Variants in DYNC2H1 observed in about 807,000 individuals in gnomAD.
DYNC2H1 encodes dynein cytoplasmic 2 heavy chain 1.
DYNC2H1 carries 410 observed loss-of-function variants against 570.0 expected under a neutral mutation model. The observed-to-expected ratio is 0.72, with a 90% CI of 0.66 to 0.78. The LOEUF is 0.78. Among genes scored for constraint, DYNC2H1 ranks in the 30% least tolerant of loss-of-function variants. DYNC2H1 has a pLI of 0.00. For missense variants in DYNC2H1, 4,865 were observed against 5,046.4 expected, an observed-to-expected ratio of 0.96 and a Z score of 1.09; for synonymous variants, 1,688 against 1,677.6, an observed-to-expected ratio of 1.01 and a Z score of -0.15.
At chr11:103,477,320 C>CTGAAG (rs1256415665) in intron 88 of DYNC2H1, among the ~76,000 whole-genome samples, 2 of 152,148 alleles carry the variant, frequency 1.3e-5, no homozygotes, top group Non-Finnish European at 2.9e-5. Flanking sequence ...CTGTGGGCTT[C>CTGAAG]TGAAGTGTCA....
intron 83 of DYNC2H1, among the ~76,000 whole-genome samples, chr11:103,366,463 AT>A: frequency 6.6e-6 from 1 of 152,198 alleles, no homozygotes; most frequent in East Asian, 1.9e-4. Context: ...TTTTCATAGA[AT>A]TTTTAGTTTA....
intron 73 of DYNC2H1, among the ~76,000 whole-genome samples, chr11:103,285,652 T>A (rs1161196244): frequency 6.6e-6 from 1 of 151,892 alleles, no homozygotes; most frequent in African/African-American, 2.4e-5. Context: ...GTCAAACTCC[T>A]GACCTCAGGT....
At chr11:103,220,896 G>T in intron 57 of DYNC2H1, 113 bp downstream of exon 57, 2 of 1,004,874 alleles carry the variant, frequency 2.0e-6, no homozygotes, top group Non-Finnish European at 2.8e-6. Flanking sequence ...TAAATACATG[G>T]GTGTACATTT....
At chr11:103,183,541 C>T (rs773499149) in intron 40 of DYNC2H1, among the ~76,000 whole-genome samples, 5 of 151,716 alleles carry the variant, frequency 3.3e-5, no homozygotes, top group Non-Finnish European at 7.4e-5. Context: ...GTATTTTGTT[C>T]ACCATGCACA....
In DYNC2H1 at chr11:103,199,423, C is replaced by T; in HGVS notation, c.8035C>T (p.Pro2679Ser). The change falls in exon 49 of 89, where the codon CCA (proline) becomes TCA (serine). Residue 2679 changes from proline (P) to serine (S), a missense_variant. Physicochemically the swap from Pro to Ser is moderately conservative, Grantham distance 74 (BLOSUM62 -1). Transcript: ENST00000375735. This position sits in a 1 kb window ranked among gnomAD's most constrained non-coding sequence, Gnocchi z 4.6. Reference sequence around the variant, plus strand: ...CATGCATGGAGCGGTCCTGTTTTCTCCAAAGATTTCCAGAGGATATGAACT... The same window carrying T: ...CATGCATGGAGCGGTCCTGTTTTCTTCAAAGATTTCCAGAGGATATGAACT... Reference protein sequence around the residue: ...SHMHGAVLFSPKISRGYELKQ... With the variant: ...SHMHGAVLFSSKISRGYELKQ... 2 of 1,611,588 alleles carry T rather than the reference C, an allele frequency of 1.2e-6. No individual in the cohort carries two copies. Among genetic ancestry groups the T allele is most frequent in the Non-Finnish European group, 1.7e-6 (2 of 1,178,792 alleles).
At chr11:103,286,154 A>G in intron 73 of DYNC2H1, 101 bp from the exon 74 acceptor site, 1 of 1,431,404 alleles carries the variant, frequency 7.0e-7, no homozygotes, top group South Asian at 1.2e-5. Flanking sequence ...AGTAATAAAC[A>G]TCAACCAATA....
chr11:103,206,593 C>T (rs1359489975), intron 52 of DYNC2H1, among the ~76,000 whole-genome samples: 1 of 152,060 alleles, frequency 6.6e-6, no homozygotes, highest in East Asian at 1.9e-4. Flanking sequence ...CCAAAGGACA[C>T]TGAGAAGCAG....
At chr11:103,360,744 C>T (rs1320232884) in intron 83 of DYNC2H1, among the ~76,000 whole-genome samples, 1 of 151,948 alleles carries the variant, frequency 6.6e-6, no homozygotes, top group African/African-American at 2.4e-5. Context: ...AGTCATGGTA[C>T]CTACCTTGTG....
In DYNC2H1 at chr11:103,399,832, C is replaced by G; in HGVS notation, c.12326C>G (p.Ser4109Ter). ...ATCAGAGGAACTACTTTACTGAGTT[C>G]AGAAGTACAAAAATTGGCAAGTGCT... is the stretch of plus-strand genomic sequence containing the variant. ...KVIRGTTLLS[S>*]EVQKLASALL... is the part of the protein sequence containing the mutation. Residue 4109 changes from serine (S) to a stop codon, truncating the protein, a stop_gained, in exon 84 of 89, where the codon TCA becomes TGA. Coordinates refer to ENST00000375735, the MANE Select transcript of DYNC2H1 (RefSeq NM_001377.3). LOFTEE classifies it high-confidence loss of function. The G allele has an allele frequency of 6.2e-7, 1 of 1,613,822 alleles. No homozygotes were observed. The highest frequency in any genetic ancestry group is 8.5e-7 in the Non-Finnish European group (1 of 1,179,828).
At chr11:103,134,100 G>T (rs928779434) in intron 14 of DYNC2H1, among the ~76,000 whole-genome samples, 2 of 152,120 alleles carry the variant, frequency 1.3e-5, no homozygotes, top group African/African-American at 4.8e-5. Context: ...GGGTTTATAT[G>T]ATGTTTTCCC....
Position 103,209,605 on chromosome 11 carries a change from CA to C in DYNC2H1, c.8455-268del, listed in dbSNP as rs1328582431. On this transcript the variant is annotated intron_variant, in intron 52 of 88. Coordinates refer to ENST00000375735, the MANE Select transcript of DYNC2H1 (RefSeq NM_001377.3). This position sits in a 1 kb window ranked among gnomAD's most constrained non-coding sequence, Gnocchi z 4.2. Reference sequence around the variant, plus strand: ...ATTGTGATTATTTTCTAATTCAATCCAAATTGTAATTTCCTTTACTTCATAT... The same window carrying C: ...ATTGTGATTATTTTCTAATTCAATCCAATTGTAATTTCCTTTACTTCATAT... 6.6e-6 allele frequency among the ~76,000 whole-genome samples: 1 copy of C among 151,698 alleles called. No homozygotes were observed. Among genetic ancestry groups the C allele is most frequent in the Non-Finnish European group, 1.5e-5 (1 of 67,840 alleles).
chr11:103,326,739 G>A lies in DYNC2H1; in HGVS notation c.12039+2749G>A, dbSNP rs1042460779. On this transcript the variant is annotated intron_variant, in intron 82 of 88. Coordinates refer to ENST00000375735, the MANE Select transcript of DYNC2H1 (RefSeq NM_001377.3). The surrounding 1 kb of genome is among the most constrained non-coding windows in gnomAD (Gnocchi z 6.1). Reference sequence around the variant, plus strand: ...CTATGGAGGGGCTCGGCAGTGGGAAGGCCTGCAGAACAGATGTGCCCCAAT... The same window carrying A: ...CTATGGAGGGGCTCGGCAGTGGGAAAGCCTGCAGAACAGATGTGCCCCAAT... Among the ~76,000 whole-genome samples the A allele has an allele frequency of 2.0e-5, 3 of 152,232 alleles. No homozygotes were observed. Among genetic ancestry groups the A allele is most frequent in the African/African-American group, 7.2e-5 (3 of 41,470 alleles).
Position 103,439,926 on chromosome 11 carries a change from G to A in DYNC2H1, c.12456+3894G>A, listed in dbSNP as rs1277679497. Reference sequence around the variant, plus strand: ...TCTTCAAAGAGTTTCTTGTGTTCCTGATTTCCACTCTGTGTTTTCCCTTTG... The same window carrying A: ...TCTTCAAAGAGTTTCTTGTGTTCCTAATTTCCACTCTGTGTTTTCCCTTTG... On this transcript the variant is annotated intron_variant, in intron 85 of 88. Coordinates refer to ENST00000375735, the MANE Select transcript of DYNC2H1 (RefSeq NM_001377.3). This position sits in a 1 kb window ranked among gnomAD's most constrained non-coding sequence, Gnocchi z 4.1. Among the ~76,000 whole-genome samples the A allele has an allele frequency of 2.0e-5, 3 of 151,956 alleles. No individual in the cohort carries two copies. The highest frequency in any genetic ancestry group is 4.4e-5 in the Non-Finnish European group (3 of 68,008).
chr11:103,170,885 G>T lies in DYNC2H1; in HGVS notation c.5152-1G>T. 6.8e-7 allele frequency: 1 copy of T among 1,481,016 alleles called. No homozygotes were observed. The highest frequency in any genetic ancestry group is 9.0e-7 in the Non-Finnish European group (1 of 1,106,694). 91.7% of individuals were successfully genotyped at this position (1,481,016 alleles called of 1,614,324 possible). A position where few individuals can be genotyped will look rare whatever the true frequency, so the allele number is the denominator to read the frequency against. ...CTATAATTTTTATTGTTGTTTTTAA[G>T]GGCATCGATGTGAAGTCAATGGGAC... On this transcript the variant is annotated splice_acceptor_variant, in intron 33 of 88. Coordinates refer to ENST00000375735, the MANE Select transcript of DYNC2H1 (RefSeq NM_001377.3). LOFTEE classifies it high-confidence loss of function. This position sits in a 1 kb window ranked among gnomAD's most constrained non-coding sequence, Gnocchi z 4.8.
intron 70 of DYNC2H1, among the ~76,000 whole-genome samples, chr11:103,279,410 C>T (rs959389496): frequency 1.3e-5 from 2 of 152,092 alleles, no homozygotes; most frequent in African/African-American, 2.4e-5. Context: ...CTAAGACTAC[C>T]GGCAGTGGAA....
At chr11:103,320,388 T>C (rs1294308543) in intron 80 of DYNC2H1, among the ~76,000 whole-genome samples, 1 of 152,032 alleles carries the variant, frequency 6.6e-6, no homozygotes, top group African/African-American at 2.4e-5. Context: ...GGTGACAGAG[T>C]GAGACACCGT....
At chr11:103,352,172 C>T (rs1356705714) in intron 82 of DYNC2H1, among the ~76,000 whole-genome samples, 1 of 151,936 alleles carries the variant, frequency 6.6e-6, no homozygotes, top group Non-Finnish European at 1.5e-5. Context: ...TAAGAAATCT[C>T]TTAATTTTAT....
In DYNC2H1 at chr11:103,244,670, CTA is replaced by C. The variant is rs1297214432; in HGVS notation, c.9919-575_9919-574del. 6.8e-6 allele frequency among the ~76,000 whole-genome samples: 1 copy of C among 147,766 alleles called. No homozygotes were observed. Among genetic ancestry groups the C allele is most frequent in the Non-Finnish European group, 1.5e-5 (1 of 67,116 alleles). ...TATATAGTTATATACATTATAAGTA[CTA>C]TATATCTATGGTTATAGTTATATAC... On this transcript the variant is annotated intron_variant, in intron 64 of 88. Transcript: ENST00000375735. This position sits in a 1 kb window ranked among gnomAD's most constrained non-coding sequence, Gnocchi z 4.3.
At chr11:103,195,852 A>T (rs1251321704) in intron 47 of DYNC2H1, among the ~76,000 whole-genome samples, 2 of 152,204 alleles carry the variant, frequency 1.3e-5, no homozygotes, top group Non-Finnish European at 2.9e-5. Context: ...AGTATTATAC[A>T]TGTTATGTTA....
Sources: gnomAD v4.1 joint callset for allele counts (sites outside exome capture counted in the v4.1 genomes callset) on GRCh38, gnomAD v4.1.1 for gene constraint, Gnocchi (gnomAD v3.1) non-coding constraint, MANE v1.5 for transcripts, NCBI Gene and HGNC (gene_info 2026-07-23, HGNC 2026-07-21) for gene names.